Variants in SVEP1 observed in about 807,000 individuals in gnomAD.
SVEP1 encodes sushi, von Willebrand factor type A, EGF and pentraxin domain containing 1, also known as sushi, von Willebrand factor type A, EGF and pentraxin domain-containing protein 1.
A neutral mutation model predicts 367.3 loss-of-function variants in SVEP1; 164 were observed. That is an observed-to-expected ratio of 0.45 (90% CI 0.39 to 0.51). The LOEUF (loss-of-function observed/expected upper bound fraction) is 0.51. Ranked by LOEUF, SVEP1 falls within the 20% of genes least tolerant of loss-of-function variation. The probability of loss-of-function intolerance (pLI) is 0.00; values close to 1 mark genes in which losing one functional copy is unlikely to be tolerated. For missense variants in SVEP1, 4,117 were observed against 4,425.3 expected (o/e 0.93, Z 1.98); for synonymous variants, 1,666 against 1,611.6 (o/e 1.03, Z -0.81).
intron 36 of SVEP1, among the ~76,000 whole-genome samples, chr9:110,425,324 A>T (rs1828236018): frequency 6.6e-6 from 1 of 152,260 alleles, no homozygotes; most frequent in Non-Finnish European, 1.5e-5. Context: ...AAAACAATAA[A>T]GCCATATTTA....
chr9:110,449,520 T>C lies in SVEP1; in HGVS notation c.4103+539A>G, dbSNP rs113880993. ...CAACATGGTGAAACCCCGTCTCTAC[T>C]AAAAATACAAAAGTTAGCCAGGCGT... On this transcript the variant is annotated intron_variant, in intron 24 of 47. Coordinates refer to ENST00000374469, the MANE Select transcript of SVEP1 (RefSeq NM_153366.4). Among the ~76,000 whole-genome samples the C allele has an allele frequency of 3.6e-3, 543 of 152,060 alleles. 1 individual carries two copies. Among genetic ancestry groups the C allele is most frequent in the Middle Eastern group, 6.8e-3 (2 of 294 alleles).
chr9:110,529,878 G>A lies in SVEP1; in HGVS notation c.965-15772C>T, dbSNP rs138439592. 3.2e-4 allele frequency among the ~76,000 whole-genome samples: 48 copies of A among 152,096 alleles called. No homozygotes were observed. In the East Asian group the frequency reaches 6.6e-3, roughly 21 times the overall value. ...AGTTCTTCTTTCTGATGGTTCTGGC[G>A]AGGACTTCCAGTACTATGCTGAATA... is the stretch of plus-strand genomic sequence containing the variant. On this transcript the variant is annotated intron_variant, in intron 3 of 47. Coordinates refer to ENST00000374469, the MANE Select transcript of SVEP1 (RefSeq NM_153366.4).
chr9:110,394,184 G>A (rs1159010273), intron 40 of SVEP1, among the ~76,000 whole-genome samples: 1 of 151,854 alleles, frequency 6.6e-6, no homozygotes, highest in East Asian at 1.9e-4. Flanking sequence ...TCAGGCAGCA[G>A]CATTTGCGGT....
intron 3 of SVEP1, among the ~76,000 whole-genome samples, chr9:110,527,073 C>T (rs1201525487): frequency 6.6e-6 from 1 of 152,006 alleles, no homozygotes; most frequent in Non-Finnish European, 1.5e-5. Context: ...TCTAAAAGAG[C>T]AACAAAAGGA....
At chr9:110,562,987 T>C (rs1243709133) in intron 1 of SVEP1, among the ~76,000 whole-genome samples, 1 of 152,204 alleles carries the variant, frequency 6.6e-6, no homozygotes, top group African/African-American at 2.4e-5. Context: ...GAAGTTTAGC[T>C]GTTGTAACAA....
chr9:110,384,467 G>A (rs927888018), intron 43 of SVEP1, among the ~76,000 whole-genome samples: 1 of 151,812 alleles, frequency 6.6e-6, no homozygotes, highest in Non-Finnish European at 1.5e-5. Flanking sequence ...GTTTCTAGTT[G>A]GCCATCTTGA....
At chr9:110,462,488 T>C (rs551171489) in intron 18 of SVEP1, among the ~76,000 whole-genome samples, 1 of 151,020 alleles carries the variant, frequency 6.6e-6, no homozygotes, top group South Asian at 2.1e-4. Context: ...CACACACGCA[T>C]ATATATGTAT....
intron 9 of SVEP1, among the ~76,000 whole-genome samples, chr9:110,488,444 A>C (rs1665289861): frequency 6.6e-6 from 1 of 152,164 alleles, no homozygotes; most frequent in African/African-American, 2.4e-5. Context: ...CCTGAGGAAG[A>C]GAAGCCTACA....
At position 110,408,160 on chromosome 9, in the gene SVEP1, A is replaced by G. The variant is rs928276779; in HGVS notation, c.7440T>C (p.Cys2480=). 1.9e-6 allele frequency: 3 copies of G among 1,613,788 alleles called. No homozygotes were observed. In the African/African-American group the frequency reaches 4.0e-5, roughly 22 times the overall value. The part of the protein sequence containing the change: ...FELVGNTTTL[C]GENGHWLGGK... ...CTCCAAGCCAGTGACCATTTTCTCC[A>G]CAAAGGGTGGTAGTATTTCCCACCA... Residue 2480 remains cysteine (C), a synonymous_variant, in exon 38 of 48, where the codon TGT becomes TGC. Coordinates refer to ENST00000374469, the MANE Select transcript of SVEP1 (RefSeq NM_153366.4).
intron 8 of SVEP1, among the ~76,000 whole-genome samples, chr9:110,492,847 C>G (rs755761481): frequency 6.6e-6 from 1 of 152,038 alleles, no homozygotes; most frequent in Non-Finnish European, 1.5e-5. Flanking sequence ...CATAGATTCA[C>G]CCCAATGTGA....
At chr9:110,472,613 CTTTAGAGGTAAAT>C (rs1440786050) in intron 14 of SVEP1, among the ~76,000 whole-genome samples, 2 of 152,286 alleles carry the variant, frequency 1.3e-5, no homozygotes, top group East Asian at 3.9e-4. Flanking sequence ...ATTATTTTAG[CTTTAGAGGTAAAT>C]TTTAGAGGTA....
rs774939049 is a variant in SVEP1 at position 110,483,702 on chromosome 9, C to G, written c.1931-9G>C. ...GACAGGTGGTTCTGCATCTGAAGAA[C>G]ATGAAATCAGACAAAGAAGTCACAG... On this transcript the variant is annotated splice_polypyrimidine_tract_variant and intron_variant, in intron 9 of 47. Transcript: ENST00000374469. The G allele has an allele frequency of 1.3e-5, 20 of 1,569,330 alleles. No individual in the cohort carries two copies. Among genetic ancestry groups the G allele is most frequent in the Non-Finnish European group, 1.5e-5 (17 of 1,158,866 alleles).
chr9:110,458,055 CAAG>C (rs778563782), intron 20 of SVEP1: 32 of 450,384 alleles, frequency 7.1e-5, no homozygotes, highest in Non-Finnish European at 1.3e-4. Context: ...TACTTTTCCC[CAAG>C]AAATCTTTTC....
intron 8 of SVEP1, among the ~76,000 whole-genome samples, chr9:110,494,412 C>T (rs1829415212): frequency 6.6e-6 from 1 of 152,104 alleles, no homozygotes; most frequent in Non-Finnish European, 1.5e-5. Flanking sequence ...CTTTTTAATC[C>T]TTGAAAGTGG....
chr9:110,505,018 T>C (rs1179206508), intron 5 of SVEP1, among the ~76,000 whole-genome samples: 1 of 152,148 alleles, frequency 6.6e-6, no homozygotes, highest in Non-Finnish European at 1.5e-5. Context: ...AGGAAGGATA[T>C]TCACTAAACT....
At chr9:110,446,864 T>C (rs752664532) in intron 25 of SVEP1, 36 bp downstream of exon 25, 3 of 1,454,176 alleles carry the variant, frequency 2.1e-6, no homozygotes, top group Non-Finnish European at 2.7e-6. Context: ...TTACTATTGT[T>C]AGTATTGTTA....
At chr9:110,376,426 T>A (rs1429468302) in intron 45 of SVEP1, among the ~76,000 whole-genome samples, 3 of 152,202 alleles carry the variant, frequency 2.0e-5, no homozygotes, top group Non-Finnish European at 4.4e-5. Flanking sequence ...AAAGTGTGAT[T>A]TCTCTTCTTT....
chr9:110,493,276 T>G (rs540997543), intron 8 of SVEP1, among the ~76,000 whole-genome samples: 14 of 151,922 alleles, frequency 9.2e-5, no homozygotes, highest in Non-Finnish European at 1.8e-4. Context: ...ACAAGAGAGA[T>G]AATTTTTTTT....
At chr9:110,571,606 T>C (rs1489010503) in intron 1 of SVEP1, among the ~76,000 whole-genome samples, 1 of 152,276 alleles carries the variant, frequency 6.6e-6, no homozygotes, top group Admixed American at 6.5e-5. Context: ...GAGAAAGAAA[T>C]AAATGTCCAT....
Sources: allele counts gnomAD v4.1 joint callset (sites outside exome capture counted in the v4.1 genomes callset), GRCh38; gene constraint gnomAD v4.1.1; transcripts MANE v1.5; gene names NCBI Gene and HGNC (gene_info 2026-07-23, HGNC 2026-07-21).